Variants in KRABD2 observed in about 807,000 individuals in gnomAD.
KRABD2 encodes KRAB domain containing 2.
the KRABD2 span, chr17:8,372,020 T>A: frequency 1.0e-6 from 1 of 985,384 alleles, no homozygotes; most frequent in Non-Finnish European, 1.2e-6. The surrounding 1 kb of genome is among the most constrained non-coding windows in gnomAD (Gnocchi z 4.1). Flanking sequence ...CCAGCAAGCT[T>A]AGGAAAACAG....
chr17:8,371,451 C>A, the KRABD2 span: 1 of 1,614,102 alleles, frequency 6.2e-7, no homozygotes, highest in South Asian at 1.1e-5. Flanking sequence ...GCCACAGGGA[C>A]CATATAGTCT....
the KRABD2 span, among the ~76,000 whole-genome samples, chr17:8,363,420 C>T: frequency 2.0e-5 from 3 of 152,156 alleles, no homozygotes; most frequent in Non-Finnish European, 4.4e-5. Flanking sequence ...GGCACGATCT[C>T]AGCTCACTGC....
chr17:8,368,705 C>G, the KRABD2 span: 1 of 155,912 alleles, frequency 6.4e-6, no homozygotes, highest in African/African-American at 2.5e-5. Context: ...GGCATGGTCT[C>G]GGCTCACTGC....
At chr17:8,363,909 C>T in the KRABD2 span, among the ~76,000 whole-genome samples, 1 of 143,880 alleles carries the variant, frequency 7.0e-6, no homozygotes, top group African/African-American at 2.6e-5. Context: ...TGCTCTGTTG[C>T]CCAGGCTGGA....
At chr17:8,373,160 CGTCTCCGTCTCCGTCTCCACG>C in the KRABD2 span, among the ~76,000 whole-genome samples, 5 of 151,068 alleles carry the variant, frequency 3.3e-5, no homozygotes, top group East Asian at 1.9e-4. Context: ...TCTCCGTCTC[CGTCTCCGTCTCCGTCTCCACG>C]GTCTCCCTCT....
the KRABD2 span, chr17:8,371,183 C>A: frequency 9.5e-6 from 8 of 845,954 alleles, no homozygotes; most frequent in East Asian, 1.8e-4. Context: ...AAAAAAATTT[C>A]TTATGGCTGA....
chr17:8,363,394 G>A, the KRABD2 span, among the ~76,000 whole-genome samples: 2 of 152,000 alleles, frequency 1.3e-5, no homozygotes, highest in African/African-American at 2.4e-5. Flanking sequence ...CTCTGTTACC[G>A]AGGCTAGAGT....
At chr17:8,369,420 G>C in the KRABD2 span, 4 of 1,614,108 alleles carry the variant, frequency 2.5e-6, no homozygotes, top group African/African-American at 5.3e-5. Context: ...AACGTCGAAA[G>C]CCTGATTCCT....
the KRABD2 span, chr17:8,369,047 A>T: frequency 1.3e-6 from 2 of 1,510,756 alleles, no homozygotes; most frequent in African/African-American, 2.8e-5. Flanking sequence ...GCAGCCTTCA[A>T]TCTTTTCCTC....
At chr17:8,371,621 T>A in the KRABD2 span, 1 of 1,445,504 alleles carries the variant, frequency 6.9e-7, no homozygotes, top group Non-Finnish European at 9.1e-7. Flanking sequence ...TGAGTACAGC[T>A]TCATGGATGA....
chr17:8,361,301 C>T, the KRABD2 span, among the ~76,000 whole-genome samples: 1 of 152,156 alleles, frequency 6.6e-6, no homozygotes, highest in South Asian at 2.1e-4. Flanking sequence ...CTTCATACTA[C>T]ACAGGGCAGA....
the KRABD2 span, among the ~76,000 whole-genome samples, chr17:8,360,756 A>C: frequency 6.6e-6 from 1 of 152,196 alleles, no homozygotes; most frequent in Non-Finnish European, 1.5e-5. Flanking sequence ...ACAAACTAAA[A>C]AAAACAAACA....
chr17:8,365,155 T>C, the KRABD2 span, among the ~76,000 whole-genome samples: 1 of 152,018 alleles, frequency 6.6e-6, no homozygotes, highest in African/African-American at 2.4e-5. Context: ...CCAGACTGGG[T>C]CCAGGAATCC....
At chr17:8,363,468 C>T in the KRABD2 span, among the ~76,000 whole-genome samples, 2 of 152,088 alleles carry the variant, frequency 1.3e-5, no homozygotes, top group East Asian at 1.9e-4. Context: ...TCTTGTGCCT[C>T]AGCCTCCTGA....
At chr17:8,369,406 A>G in the KRABD2 span, 4 of 1,614,124 alleles carry the variant, frequency 2.5e-6, no homozygotes, top group Admixed American at 1.7e-5. Flanking sequence ...CTTTGCTGCA[A>G]GGAAACGTCG....
chr17:8,376,147 T>A, the KRABD2 span: 6 of 1,231,660 alleles, frequency 4.9e-6, no homozygotes, highest in Non-Finnish European at 6.1e-6. Context: ...TGTACCCCCT[T>A]TGGAGGGCCC....
the KRABD2 span, chr17:8,371,659 G>C: frequency 7.1e-7 from 1 of 1,410,378 alleles, no homozygotes; most frequent in South Asian, 1.7e-5. Flanking sequence ...TTCCTGGGAG[G>C]TCTGTTGGTC....
the KRABD2 span, among the ~76,000 whole-genome samples, chr17:8,363,247 G>A: frequency 6.6e-6 from 1 of 152,204 alleles, no homozygotes; most frequent in Admixed American, 6.5e-5. Context: ...CAGAAGGCAG[G>A]AGCCTGGAAG....
At chr17:8,375,077 T>C in the KRABD2 span, among the ~76,000 whole-genome samples, 1 of 150,592 alleles carries the variant, frequency 6.6e-6, no homozygotes. Flanking sequence ...AGTGGCGCGA[T>C]CCCGGCTCAC....
Sources: allele counts gnomAD v4.1 joint callset (sites outside exome capture counted in the v4.1 genomes callset), GRCh38; gene constraint gnomAD v4.1.1; non-coding constraint Gnocchi (gnomAD v3.1); transcripts MANE v1.5; gene names NCBI Gene and HGNC (gene_info 2026-07-23, HGNC 2026-07-21).